The following RESF1 variants were observed in gnomAD, a reference collection of about 807,000 sequenced individuals.
RESF1 encodes the protein retroelement silencing factor 1.
Under a neutral mutation model 134.7 loss-of-function variants are expected in RESF1, and 65 were observed. That is an observed-to-expected ratio of 0.48 (90% CI 0.40 to 0.59). The LOEUF is 0.59. RESF1 is among the 20% of genes least tolerant of loss of function. The pLI is 0.00. For missense variants in RESF1, 2,274 were observed against 2,002.7 expected, an observed-to-expected ratio of 1.14 and a Z score of -2.59; for synonymous variants, 762 against 702.2, an observed-to-expected ratio of 1.09 and a Z score of -1.35.
At chr12:31,959,677 G>C (rs1467572856) in intron 1 of RESF1, 186 bp downstream of exon 1, 1 of 151,126 alleles carries the variant, frequency 6.6e-6, no homozygotes, top group South Asian at 2.1e-4. Flanking sequence ...CCGCCGGCTC[G>C]CGCGTCCCGC....
chr12:31,967,481 A>C (rs540326812), intron 2 of RESF1, among the ~76,000 whole-genome samples: 95 of 152,366 alleles, frequency 6.2e-4, no homozygotes, highest in African/African-American at 2.1e-3. Flanking sequence ...TAGAAAATGT[A>C]AGTCAAAAAT....
Position 31,983,435 on chromosome 12 carries a change from C to T in RESF1, c.2480C>T (p.Thr827Ile), listed in dbSNP as rs760259544. 7 of 1,614,020 alleles carry T rather than the reference C, an allele frequency of 4.3e-6. No homozygotes were observed. The East Asian group carries it at 8.9e-5, about 21-fold the overall frequency. Residue 827 changes from threonine (T) to isoleucine (I), a missense_variant, in exon 4 of 6, where the codon ACA (threonine) becomes ATA (isoleucine). Physicochemically the swap from Thr to Ile is moderately conservative, Grantham distance 89. Coordinates refer to ENST00000312561, the MANE Select transcript of RESF1 (RefSeq NM_018169.4). ...DVSGPVASTA[T>I]STKIFPLTQK... ...AGTGGACCAGTAGCAAGTACAGCAA[C>T]ATCAACCAAGATTTTTCCACTAACT...
chr12:31,968,939 C>T (rs1045593896), intron 2 of RESF1, among the ~76,000 whole-genome samples: 2 of 152,032 alleles, frequency 1.3e-5, no homozygotes, highest in Non-Finnish European at 2.9e-5. Flanking sequence ...AATTGTCAAC[C>T]CACTTTTCTT....
At chr12:31,991,360 T>C (rs1328798594) in intron 5 of RESF1, among the ~76,000 whole-genome samples, 1 of 152,140 alleles carries the variant, frequency 6.6e-6, no homozygotes, top group African/African-American at 2.4e-5. Flanking sequence ...TTACTAATTC[T>C]GAAAGAAAGC....
chr12:31,969,086 G>A (rs1180116880), intron 2 of RESF1, among the ~76,000 whole-genome samples: 1 of 152,160 alleles, frequency 6.6e-6, no homozygotes, highest in Admixed American at 6.5e-5. Flanking sequence ...GAATATAGGC[G>A]TGTACCACCA....
In RESF1 at chr12:31,981,464, C is replaced by T. The variant is rs1939789083; in HGVS notation, c.509C>T (p.Pro170Leu). The change falls in exon 4 of 6, where the codon CCT becomes CTT. Residue 170 changes from proline to leucine, a missense_variant. Coordinates refer to ENST00000312561, the MANE Select transcript of RESF1 (RefSeq NM_018169.4). Reference sequence around the variant, plus strand: ...TATTCTATGCAAATGCAGATGATCCCTTCTAATTCTACACGACTTCCTGTA... The same window carrying T: ...TATTCTATGCAAATGCAGATGATCCTTTCTAATTCTACACGACTTCCTGTA... The part of the protein sequence containing the change: ...DTYSMQMQMI[P>L]SNSTRLPVAY... 1 of 1,613,940 alleles carries T rather than the reference C, an allele frequency of 6.2e-7. No individual in the cohort carries two copies. The highest frequency in any genetic ancestry group is 8.5e-7 in the Non-Finnish European group (1 of 1,179,998).
intron 5 of RESF1, 87 bp downstream of exon 5, chr12:31,987,409 T>C (rs912032134): frequency 2.6e-6 from 2 of 764,274 alleles, no homozygotes; most frequent in Non-Finnish European, 2.1e-6. Context: ...GATTGTAAAG[T>C]ATGATTTTAT....
chr12:31,986,880 A>G (rs796986347), intron 4 of RESF1, among the ~76,000 whole-genome samples: 4 of 152,328 alleles, frequency 2.6e-5, no homozygotes, highest in Admixed American at 1.3e-4. Context: ...GGTGATTTCA[A>G]TAGGTTCTTT....
chr12:31,963,565 G>C (rs1271316165), intron 2 of RESF1, among the ~76,000 whole-genome samples: 1 of 152,168 alleles, frequency 6.6e-6, no homozygotes, highest in Non-Finnish European at 1.5e-5. Flanking sequence ...ACTATAGTTA[G>C]AGATAAAATT....
At position 31,984,229 on chromosome 12, in the gene RESF1, A is replaced by G; in HGVS notation, c.3274A>G (p.Lys1092Glu). 2 of 1,614,098 alleles carry G rather than the reference A, an allele frequency of 1.2e-6. No homozygotes were observed. The highest frequency in any genetic ancestry group is 3.3e-4 in the Middle Eastern group (2 of 6,052). ...YQTSEDQTAD[K>E]TSSDSKDPAD... ...GACCTCAGAAGATCAAACTGCTGAT[A>G]AAACCAGTTCTGACTCCAAAGACCC... Residue 1092 changes from lysine (K) to glutamate (E), a missense_variant, in exon 4 of 6, where the codon AAA (lysine) becomes GAA (glutamate). Physicochemically the swap from Lys to Glu is moderately conservative, Grantham distance 56. Coordinates refer to ENST00000312561, the MANE Select transcript of RESF1 (RefSeq NM_018169.4).
In RESF1 at chr12:31,983,567, A is replaced by G; in HGVS notation, c.2612A>G (p.Asn871Ser). The G allele has an allele frequency of 6.2e-7, 1 of 1,614,058 alleles. No homozygotes were observed. Among genetic ancestry groups the G allele is most frequent in the Non-Finnish European group, 8.5e-7 (1 of 1,179,940 alleles). ...KLESAIHSPM[N>S]DQQISQESRN... is the part of the protein sequence containing the mutation. ...GAGTCAGCTATCCATTCTCCTATGA[A>G]CGATCAGCAAATCTCACAGGAGTCA... Residue 871 changes from asparagine to serine, a missense_variant, in exon 4 of 6, where the codon AAC (asparagine) becomes AGC (serine). Transcript: ENST00000312561.
intron 2 of RESF1, among the ~76,000 whole-genome samples, chr12:31,967,179 G>C (rs1239296884): frequency 6.6e-6 from 1 of 152,064 alleles, no homozygotes; most frequent in East Asian, 1.9e-4. Context: ...CGTGGGGCTG[G>C]GGATACTGAT....
chr12:31,980,815 AT>A, intron 3 of RESF1, 62 bp from the exon 4 acceptor site: 1 of 627,352 alleles, frequency 1.6e-6, no homozygotes. Flanking sequence ...TCAGCTACTA[AT>A]TTTCTTAGAT....
intron 3 of RESF1, among the ~76,000 whole-genome samples, chr12:31,980,232 C>A (rs1195471852): frequency 6.6e-6 from 1 of 150,926 alleles, no homozygotes; most frequent in African/African-American, 2.4e-5. Context: ...GTGCATCAGC[C>A]TCCTGAGTAG....
At chr12:31,972,887 G>A (rs148394710) in intron 3 of RESF1, among the ~76,000 whole-genome samples, 55 of 152,088 alleles carry the variant, frequency 3.6e-4, no homozygotes, top group Admixed American at 1.0e-3. Context: ...TTTACTTTTT[G>A]TTTTTATGTC....
Position 31,985,712 on chromosome 12 carries a change from G to A in RESF1, c.4757G>A (p.Gly1586Glu). 1 of 1,603,740 alleles carries A rather than the reference G, an allele frequency of 6.2e-7. No homozygotes were observed. The highest frequency in any genetic ancestry group is 2.2e-5 in the East Asian group (1 of 44,788). ...DQKKLYLNRV[G>E]FKCTERESIS... ...AAGAAATTATATCTGAATAGAGTTG[G>A]GTTTAAATGCACTGAACGTGAAAGC... The change falls in exon 4 of 6, where the codon GGG (glycine) becomes GAG (glutamate). Residue 1586 changes from glycine (G) to glutamate (E), a missense_variant. Coordinates refer to ENST00000312561, the MANE Select transcript of RESF1 (RefSeq NM_018169.4).
Position 31,983,950 on chromosome 12 carries a change from G to C in RESF1, c.2995G>C (p.Glu999Gln), listed in dbSNP as rs1324257132. The C allele has an allele frequency of 1.2e-6, 2 of 1,613,666 alleles. No individual in the cohort carries two copies. The highest frequency in any genetic ancestry group is 3.3e-5 in the Admixed American group (2 of 59,920). ...NRVILEKSSL[E>Q]HATEKSTAND... is the part of the protein sequence containing the mutation. ...AGTTATTCTAGAGAAAAGTAGTTTG[G>C]AGCATGCCACTGAAAAAAGCACAGC... The change falls in exon 4 of 6, where the codon GAG becomes CAG. Residue 999 changes from glutamate (E) to glutamine (Q), a missense_variant. Coordinates refer to ENST00000312561, the MANE Select transcript of RESF1 (RefSeq NM_018169.4).
intron 2 of RESF1, among the ~76,000 whole-genome samples, chr12:31,965,735 AC>A (rs781012652): frequency 3.3e-5 from 5 of 152,188 alleles, no homozygotes; most frequent in Non-Finnish European, 7.3e-5. Context: ...TACTAAAAAT[AC>A]AAAAATTAGC....
Position 31,982,494 on chromosome 12 carries a change from G to C in RESF1, c.1539G>C (p.Arg513=), listed in dbSNP as rs1430386262. ...CAAATCCTGTCTATTCTGAAAAGCG[G>C]CCAATGCCAGACTCATCTCATGATG... ...VLPNPVYSEK[R]PMPDSSHDVK... is the part of the protein sequence containing the mutation. The change falls in exon 4 of 6, where the codon CGG becomes CGC. Residue 513 remains arginine, a synonymous_variant. Coordinates refer to ENST00000312561, the MANE Select transcript of RESF1 (RefSeq NM_018169.4). 1 of 1,613,488 alleles carries C rather than the reference G, an allele frequency of 6.2e-7. No homozygotes were observed. The highest frequency in any genetic ancestry group is 8.5e-7 in the Non-Finnish European group (1 of 1,179,986).
Sources: gnomAD v4.1 joint callset for allele counts (sites outside exome capture counted in the v4.1 genomes callset) on GRCh38, gnomAD v4.1.1 for gene constraint, MANE v1.5 for transcripts, NCBI Gene and HGNC (gene_info 2026-07-23, HGNC 2026-07-21) for gene names.